The following KLRG1 variants were observed in gnomAD, a reference collection of about 807,000 sequenced individuals.
KLRG1 encodes killer cell lectin like receptor G1.
In KLRG1, 16 loss-of-function variants were observed where a neutral mutation model predicts 21.8. The ratio of observed to expected loss-of-function variants is 0.73; its 90% confidence interval spans 0.50 to 1.11. The LOEUF (loss-of-function observed/expected upper bound fraction) is 1.11. Ranked by LOEUF, KLRG1 falls within the 50% of genes most tolerant of loss-of-function variation. KLRG1 has a pLI of 0.00. For missense variants in KLRG1, 173 were observed against 218.3 expected, an observed-to-expected ratio of 0.79 and a Z score of 1.31; for synonymous variants, 69 against 75.9, an observed-to-expected ratio of 0.91 and a Z score of 0.47.
At chr12:9,023,511 A>G in the KLRG1 span, among the ~76,000 whole-genome samples, 1 of 151,632 alleles carries the variant, frequency 6.6e-6, no homozygotes, top group African/African-American at 2.4e-5. Flanking sequence ...AAATTTTATA[A>G]TTTTAGGTTT....
chr12:9,142,724 G>A, the KLRG1 span, among the ~76,000 whole-genome samples: 292 of 152,232 alleles, frequency 1.9e-3, 1 homozygote, highest in African/African-American at 6.8e-3. Flanking sequence ...TTTGGGTGAG[G>A]CCCTTTAAGA....
the KLRG1 span, among the ~76,000 whole-genome samples, chr12:9,027,278 A>G: frequency 6.6e-6 from 1 of 151,946 alleles, no homozygotes; most frequent in Non-Finnish European, 1.5e-5. Context: ...AAAAGTCTAC[A>G]TTAAAACCCT....
the KLRG1 span, chr12:9,194,287 G>A: frequency 6.4e-7 from 1 of 1,565,498 alleles, no homozygotes; most frequent in Non-Finnish European, 8.7e-7. Context: ...ACCCAGAGAG[G>A]ACTGAACTCA....
At chr12:9,199,709 G>A in the KLRG1 span, among the ~76,000 whole-genome samples, 1 of 152,036 alleles carries the variant, frequency 6.6e-6, no homozygotes, top group African/African-American at 2.4e-5. Context: ...GATTCCTATG[G>A]CTTGCTTTAA....
chr12:9,160,503 A>G, the KLRG1 span: 6 of 1,606,394 alleles, frequency 3.7e-6, no homozygotes, highest in Non-Finnish European at 5.1e-6. Flanking sequence ...GGGGAATGTG[A>G]AAGATTAGAT....
Position 9,009,466 on chromosome 12 carries a change from A to T in KLRG1, c.499A>T (p.Asn167Tyr). Residue 167 changes from asparagine (N) to tyrosine (Y), a missense_variant, in exon 5 of 5, where the codon AAC becomes TAC. Asn to Tyr is a moderately radical substitution (Grantham distance 143, BLOSUM62 -2). Around this residue, in one of 3 missense-constraint regions of KLRG1, gnomAD observed 26 missense variants for 36.9 expected, o/e 0.70. Transcript: ENST00000356986. Reference sequence around the variant, plus strand: ...CTTTGTGCAGACATGCGGTGCCATCAACAAAAATGGTCTTCAAGCCTCAAG... The same window carrying T: ...CTTTGTGCAGACATGCGGTGCCATCTACAAAAATGGTCTTCAAGCCTCAAG... ...NSFVQTCGAI[N>Y]KNGLQASSCE... is the part of the protein sequence containing the mutation. The T allele has an allele frequency of 6.2e-7, 1 of 1,613,946 alleles. No homozygotes were observed. Among genetic ancestry groups the T allele is most frequent in the Non-Finnish European group, 8.5e-7 (1 of 1,179,926 alleles).
At chr12:9,127,747 G>C in the KLRG1 span, 3 of 167,586 alleles carry the variant, frequency 1.8e-5, no homozygotes, top group Non-Finnish European at 2.6e-5. Flanking sequence ...GGCTGCTGAC[G>C]GGCACCAAGA....
the KLRG1 span, among the ~76,000 whole-genome samples, chr12:9,029,654 T>A: frequency 1.3e-5 from 2 of 152,320 alleles, no homozygotes; most frequent in Middle Eastern, 3.4e-3. Flanking sequence ...AAACTGTCAT[T>A]TTTTCCCCCT....
chr12:8,996,326 C>G lies in KLRG1; in HGVS notation c.357+1038C>G, dbSNP rs77382915. On this transcript the variant is annotated intron_variant, in intron 3 of 4. Coordinates refer to ENST00000356986, the MANE Select transcript of KLRG1 (RefSeq NM_005810.4). Reference sequence around the variant, plus strand: ...GCCTAGTATAAAAATCAATCAAATTCTAATTTGTCAACATAAATAACATCT... The same window carrying G: ...GCCTAGTATAAAAATCAATCAAATTGTAATTTGTCAACATAAATAACATCT... 7.8e-4 allele frequency among the ~76,000 whole-genome samples: 119 copies of G among 152,216 alleles called. 1 individual carries two copies. In the East Asian group the frequency reaches 0.022, roughly 28 times the overall value.
At chr12:9,025,258 T>C in the KLRG1 span, among the ~76,000 whole-genome samples, 1 of 152,144 alleles carries the variant, frequency 6.6e-6, no homozygotes, top group Non-Finnish European at 1.5e-5. Context: ...GTCGGGTCAA[T>C]AGATCTTAAA....
the KLRG1 span, chr12:9,107,721 T>G: frequency 1.3e-6 from 2 of 1,538,938 alleles, no homozygotes; most frequent in Non-Finnish European, 8.9e-7. Context: ...TATCTCCCCT[T>G]TAGCTACAGT....
At chr12:9,012,728 G>T (rs1188746760), downstream of KLRG1, among the ~76,000 whole-genome samples, 1 of 152,008 alleles carries the variant, frequency 6.6e-6, no homozygotes, top group East Asian at 1.9e-4. Context: ...TTGATTCCAG[G>T]CTCCTGGACA....
the KLRG1 span, among the ~76,000 whole-genome samples, chr12:9,204,662 G>A: frequency 6.6e-6 from 1 of 151,966 alleles, no homozygotes; most frequent in Non-Finnish European, 1.5e-5. Context: ...AACACACACT[G>A]TATTTTATTA....
At chr12:9,063,371 T>G in the KLRG1 span, among the ~76,000 whole-genome samples, 2 of 152,084 alleles carry the variant, frequency 1.3e-5, no homozygotes, top group African/African-American at 4.8e-5. Context: ...GAGTCACATA[T>G]AAGAAAATGC....
the KLRG1 span, among the ~76,000 whole-genome samples, chr12:9,122,589 A>G: frequency 6.6e-6 from 1 of 152,356 alleles, no homozygotes; most frequent in African/African-American, 2.4e-5. Flanking sequence ...GGGCTAAGAC[A>G]AGTTCTAAGA....
chr12:9,160,065 G>C, the KLRG1 span: 31 of 1,562,908 alleles, frequency 2.0e-5, no homozygotes, highest in Non-Finnish European at 2.7e-5. Context: ...AAGCATTAAA[G>C]AAAGGCAGGC....
At chr12:8,957,315 A>C (rs994736372) in intron 1 of KLRG1, among the ~76,000 whole-genome samples, 1 of 152,192 alleles carries the variant, frequency 6.6e-6, no homozygotes, top group African/African-American at 2.4e-5. Context: ...GTTTCTGTTC[A>C]TATCTTCCAC....
the KLRG1 span, chr12:9,166,098 G>A: frequency 3.4e-4 from 542 of 1,612,388 alleles, 2 homozygotes; most frequent in Middle Eastern, 1.3e-3. Flanking sequence ...AAATAGCTTC[G>A]CACCGTTTCA....
upstream of KLRG1, among the ~76,000 whole-genome samples, chr12:8,987,666 T>C (rs1256163746): frequency 6.6e-6 from 1 of 152,206 alleles, no homozygotes; most frequent in African/African-American, 2.4e-5. Context: ...CTTTTCTTTT[T>C]CCCTCCAAAC....
Sources: allele counts gnomAD v4.1 joint callset (sites outside exome capture counted in the v4.1 genomes callset), GRCh38; gene constraint gnomAD v4.1.1; regional missense constraint gnomAD v4.1.1; transcripts MANE v1.5; gene names NCBI Gene and HGNC (gene_info 2026-07-23, HGNC 2026-07-21).